The following TSBP1 variants were observed in gnomAD, a reference collection of about 807,000 sequenced individuals.
The protein encoded by TSBP1 is testis-expressed basic protein 1.
TSBP1 carries 56 observed loss-of-function variants against 68.8 expected under a neutral mutation model. The ratio of observed to expected loss-of-function variants is 0.81; its 90% CI spans 0.66 to 1.02. The LOEUF (loss-of-function observed/expected upper bound fraction) is 1.02. Ranked by LOEUF, TSBP1 falls within the 50% of genes least tolerant of loss-of-function variation. TSBP1 has a pLI of 0.00. For synonymous variants in TSBP1, 171 were observed against 208.7 expected, an observed-to-expected ratio of 0.82 and a Z score of 1.56; for missense variants, 502 against 641.2, an observed-to-expected ratio of 0.78 and a Z score of 2.34.
At chr6:32,370,848 A>AG (rs942453398) in intron 1 of TSBP1, among the ~76,000 whole-genome samples, 1 of 77,908 alleles carries the variant, frequency 1.3e-5, no homozygotes, top group African/African-American at 4.4e-5. Context: ...GGGGAGAAAA[A>AG]AAAGAAAAGA....
chr6:32,318,879 T>C (rs1767278056), intron 18 of TSBP1, among the ~76,000 whole-genome samples: 1 of 152,210 alleles, frequency 6.6e-6, no homozygotes, highest in Admixed American at 6.5e-5. Context: ...AAGCATTAAA[T>C]TCCACACTTT....
At chr6:32,298,397 T>C (rs1008323113) in intron 22 of TSBP1, among the ~76,000 whole-genome samples, 1 of 152,150 alleles carries the variant, frequency 6.6e-6, no homozygotes. Flanking sequence ...CTGACCAACA[T>C]AGTGAAACCC....
At chr6:32,339,774 CT>C in intron 9 of TSBP1, 136 bp from the exon 11 acceptor site, 1 of 495,276 alleles carries the variant, frequency 2.0e-6, no homozygotes, top group South Asian at 3.3e-5. Context: ...CTGAGTCCGA[CT>C]TTTGCTATTC....
chr6:32,293,336 CTCT>C (rs756570131), exon 23 of TSBP1: 3 of 1,612,880 alleles, frequency 1.9e-6, no homozygotes, highest in Middle Eastern at 1.7e-4. Flanking sequence ...ACCTGCCTCA[CTCT>C]TCTTTTCTTG....
exon 1 of TSBP1, chr6:32,371,825 G>C (rs1302270359): frequency 1.7e-6 from 2 of 1,166,850 alleles, no homozygotes; most frequent in African/African-American, 1.5e-5. Context: ...TTGGGTGTCA[G>C]GGAGGCCCTT....
In TSBP1 at chr6:32,346,302, A is replaced by G. The variant is rs1770988876; in HGVS notation, c.349+3438T>C. On this transcript the variant is annotated intron_variant, in intron 9 of 22. Transcript: ENST00000612031. ...AGTGCTGGGATTACAGGCGTGAGCC[A>G]CCGCGCCCGGCCGTCATATCCTCAT... Among the ~76,000 whole-genome samples the G allele has an allele frequency of 1.3e-5, 2 of 149,846 alleles. 1 individual carries two copies. The highest frequency in any genetic ancestry group is 5.0e-5 in the African/African-American group (2 of 40,338).
At chr6:32,366,762 CA>C (rs9257084) in intron 4 of TSBP1, among the ~76,000 whole-genome samples, 2,427 of 77,284 alleles carry the variant, frequency 0.031, 27 homozygotes, top group African/African-American at 0.071. Context: ...GACTCCGTCT[CA>C]AAAAAAAAAA....
Position 32,301,064 on chromosome 6 carries a change from A to G in TSBP1, c.602-364T>C, listed in dbSNP as rs1050309709. 1.5e-4 allele frequency among the ~76,000 whole-genome samples: 23 copies of G among 152,070 alleles called. 2 individuals carry two copies. The highest frequency in any genetic ancestry group is 1.5e-3 in the Admixed American group (23 of 15,262). ...ATATATTTTTTTGAGACAGGGTCTC[A>G]GTCTCCCAGGCTGCAGTGCAGTGGC... On this transcript the variant is annotated intron_variant, in intron 20 of 22. Transcript: ENST00000612031.
intron 14 of TSBP1, among the ~76,000 whole-genome samples, chr6:32,332,968 C>T (rs887981802): frequency 1.3e-5 from 2 of 151,724 alleles, no homozygotes; most frequent in Non-Finnish European, 2.9e-5. Flanking sequence ...GCTCTGATCG[C>T]CTGGTGACCT....
At chr6:32,330,674 A>ACACACACACT (rs549721169) in intron 15 of TSBP1, 65 bp from the exon 17 acceptor site, 24 of 1,429,580 alleles carry the variant, frequency 1.7e-5, no homozygotes, top group East Asian at 1.5e-4. Flanking sequence ...ACACACACAC[A>ACACACACACT]CTTCTATTTT....
intron 22 of TSBP1, among the ~76,000 whole-genome samples, chr6:32,298,476 G>A (rs1764937361): frequency 6.6e-6 from 1 of 152,162 alleles, no homozygotes; most frequent in Non-Finnish European, 1.5e-5. Context: ...CTACTTGGGA[G>A]GCTGAGGCAG....
chr6:32,296,478 T>C (rs1764738855), intron 22 of TSBP1, among the ~76,000 whole-genome samples: 1 of 152,254 alleles, frequency 6.6e-6, no homozygotes, highest in South Asian at 2.1e-4. Context: ...CAATCAATTT[T>C]CAGTTTCCTA....
chr6:32,293,995 T>C (rs1297787725), exon 23 of TSBP1: 1 of 1,611,196 alleles, frequency 6.2e-7, no homozygotes, highest in Non-Finnish European at 8.5e-7. Flanking sequence ...TGGAACAAGA[T>C]TTTTTTGCAA....
chr6:32,295,306 A>G (rs1435296785), intron 22 of TSBP1, among the ~76,000 whole-genome samples: 1 of 140,464 alleles, frequency 7.1e-6, no homozygotes, highest in Non-Finnish European at 1.5e-5. Flanking sequence ...ACTGCACTCC[A>G]GTCTAGGTGA....
chr6:32,350,255 G>A (rs903268191), intron 8 of TSBP1: 11 of 448,450 alleles, frequency 2.5e-5, no homozygotes, highest in African/African-American at 1.6e-4. Context: ...TGTGCCCTAT[G>A]GAGATGAAGA....
chr6:32,297,152 T>G (rs1764803766), intron 22 of TSBP1, among the ~76,000 whole-genome samples: 1 of 152,214 alleles, frequency 6.6e-6, no homozygotes. Context: ...CTTTTCTTCC[T>G]TCTCCCAGAT....
rs1773615687 is a variant in TSBP1, at chr6:32,365,615, T to C, written c.217+552A>G. The C allele has an allele frequency of 2.2e-6, 1 of 456,448 alleles. No homozygotes were observed. Among genetic ancestry groups the C allele is most frequent in the Non-Finnish European group, 4.4e-6 (1 of 226,774 alleles). 28.3% of individuals were successfully genotyped at this position (456,448 alleles called of 1,614,324 possible). Reference sequence around the variant, plus strand: ...TGGGCTTATCGGACAGCATCCTGAATGGCTGGGGGATGTGGGCACTCATTA... The same window carrying C: ...TGGGCTTATCGGACAGCATCCTGAACGGCTGGGGGATGTGGGCACTCATTA... On this transcript the variant is annotated intron_variant, in intron 6 of 22. Transcript: ENST00000612031. This position sits in a 1 kb window ranked among gnomAD's most constrained non-coding sequence, Gnocchi z 4.3.
intron 18 of TSBP1, among the ~76,000 whole-genome samples, chr6:32,317,060 G>C (rs1431136873): frequency 6.6e-6 from 1 of 152,110 alleles, no homozygotes; most frequent in African/African-American, 2.4e-5. Context: ...ATTATGGTAT[G>C]CTACCAGGCT....
chr6:32,294,544 A>G (rs2080633660), intron 22 of TSBP1, among the ~76,000 whole-genome samples: 2 of 152,254 alleles, frequency 1.3e-5, no homozygotes, highest in Admixed American at 1.3e-4. Context: ...TAAGCACTTT[A>G]TGTATTAAAT....
Sources: gnomAD v4.1 joint callset for allele counts (sites outside exome capture counted in the v4.1 genomes callset) on GRCh38, gnomAD v4.1.1 for gene constraint, Gnocchi (gnomAD v3.1) non-coding constraint, MANE v1.5 for transcripts, NCBI Gene and HGNC (gene_info 2026-07-23, HGNC 2026-07-21) for gene names.